The following IFI35 variants were observed in gnomAD, a reference collection of about 807,000 sequenced individuals.
IFI35 encodes the protein interferon induced protein 35.
IFI35 carries 30 observed loss-of-function variants against 28.6 expected under a neutral mutation model. The observed-to-expected ratio is 1.05, with a 90% confidence interval of 0.79 to 1.43. The LOEUF (loss-of-function observed/expected upper bound fraction) is 1.43, where lower values mean the gene tolerates loss of function less well. IFI35 is among the 40% of genes most tolerant of loss of function. The pLI, the probability that IFI35 is intolerant of heterozygous loss-of-function variation, is 0.00. For missense variants in IFI35, 372 were observed against 356.9 expected, an observed-to-expected ratio of 1.04 and a Z score of -0.34; for synonymous variants, 146 against 154.8, an observed-to-expected ratio of 0.94 and a Z score of 0.42.
At chr17:43,011,854 C>T (rs1309370047) in intron 1 of IFI35, among the ~76,000 whole-genome samples, 2 of 152,188 alleles carry the variant, frequency 1.3e-5, no homozygotes, top group South Asian at 2.1e-4. Flanking sequence ...GGGTCGTACC[C>T]TTATCTTCCA....
intron 1 of IFI35, among the ~76,000 whole-genome samples, chr17:43,007,334 G>A (rs1481388763): frequency 6.6e-6 from 1 of 151,896 alleles, no homozygotes; most frequent in Non-Finnish European, 1.5e-5. Context: ...GTGAAAATCC[G>A]TCTCTACTAA....
At chr17:43,008,758 C>T (rs896821001) in intron 1 of IFI35, among the ~76,000 whole-genome samples, 3 of 151,722 alleles carry the variant, frequency 2.0e-5, no homozygotes, top group Non-Finnish European at 1.5e-5. Flanking sequence ...CTCCTGACCT[C>T]GTGATCCGCC....
At chr17:43,011,017 C>G (rs575990865) in intron 1 of IFI35, among the ~76,000 whole-genome samples, 1 of 152,302 alleles carries the variant, frequency 6.6e-6, no homozygotes, top group African/African-American at 2.4e-5. Flanking sequence ...AGATCACACC[C>G]AGCCTAAAAG....
Position 43,013,184 on chromosome 17 carries a change from T to G in IFI35, c.258T>G (p.Asp86Glu). 1 of 1,614,084 alleles carries G rather than the reference T, an allele frequency of 6.2e-7. No individual in the cohort carries two copies. The change falls in exon 3 of 7, where the codon GAT becomes GAG. Residue 86 changes from aspartate (D) to glutamate (E), a missense_variant. Physicochemically the swap from Asp to Glu is conservative, Grantham distance 45. Coordinates refer to ENST00000415816, the MANE Select transcript of IFI35 (RefSeq NM_001330230.2). ...LLAGSALITF[D>E]DPKVAEQVLQ... The stretch of plus-strand genomic sequence containing the variant: ...CGGGCTCTGCTCTGATCACCTTTGA[T>G]GACCCCAAAGGTAAGCTCATGGGGA...
chr17:43,010,797 A>C (rs1242386767), intron 1 of IFI35, among the ~76,000 whole-genome samples: 2 of 152,190 alleles, frequency 1.3e-5, no homozygotes, highest in African/African-American at 4.8e-5. Context: ...TTTGTGCCGG[A>C]GATCTTGCTG....
At chr17:43,008,000 C>A (rs1242529164) in intron 1 of IFI35, among the ~76,000 whole-genome samples, 1 of 150,734 alleles carries the variant, frequency 6.6e-6, no homozygotes, top group Non-Finnish European at 1.5e-5. Flanking sequence ...TTATTGCCAA[C>A]CTTTTCAGAA....
At chr17:43,010,515 T>C (rs2050449166) in intron 1 of IFI35, among the ~76,000 whole-genome samples, 1 of 152,240 alleles carries the variant, frequency 6.6e-6, no homozygotes, top group Admixed American at 6.5e-5. Context: ...CACCACTCTC[T>C]GTTATCCTAC....
chr17:43,013,200 C>T lies in IFI35; in HGVS notation c.268+6C>T. On this transcript the variant is annotated splice_donor_region_variant and intron_variant, in intron 3 of 6. Coordinates refer to ENST00000415816, the MANE Select transcript of IFI35 (RefSeq NM_001330230.2). ...CACCTTTGATGACCCCAAAGGTAAG[C>T]TCATGGGGAGCCTCAGGAGGGAGGT... 4 of 1,614,086 alleles carry T rather than the reference C, an allele frequency of 2.5e-6. No homozygotes were observed. The highest frequency in any genetic ancestry group is 3.4e-6 in the Non-Finnish European group (4 of 1,179,986).
In IFI35 at chr17:43,013,329, G is replaced by A; in HGVS notation, c.331G>A (p.Val111Met). Residue 111 changes from valine (V) to methionine (M), a missense_variant, in exon 4 of 7, where the codon GTG becomes ATG. Coordinates refer to ENST00000415816, the MANE Select transcript of IFI35 (RefSeq NM_001330230.2). ...TINMEECRLRVQVQPLELPMV... is the reference protein window; with the variant it reads ...TINMEECRLRMQVQPLELPMV... ...CAACATGGAGGAGTGCCGGCTGCGG[G>A]TGCAGGTCCAGCCCTTGGAGCTGCC... The A allele has an allele frequency of 6.2e-7, 1 of 1,614,176 alleles. No individual in the cohort carries two copies. Among genetic ancestry groups the A allele is most frequent in the Non-Finnish European group, 8.5e-7 (1 of 1,180,042 alleles).
chr17:43,014,328 C>A lies in IFI35; in HGVS notation c.*29C>A. On this transcript the variant is annotated 3_prime_UTR_variant, in exon 7 of 7. Transcript: ENST00000415816. ...CCTCCCCTTCTCATCCTCCCCACCC[C>A]CCCGCCAAGGTTCTCACACTGGCCT... The A allele has an allele frequency of 6.7e-7, 1 of 1,488,266 alleles. No homozygotes were observed. The highest frequency in any genetic ancestry group is 9.0e-7 in the Non-Finnish European group (1 of 1,111,258). 92.2% of individuals were successfully genotyped at this position (1,488,266 alleles called of 1,614,324 possible). A position where few individuals can be genotyped will look rare whatever the true frequency, so the allele number is the denominator to read the frequency against.
chr17:43,009,860 G>A (rs544822435), intron 1 of IFI35, among the ~76,000 whole-genome samples: 1 of 150,918 alleles, frequency 6.6e-6, no homozygotes, highest in African/African-American at 2.4e-5. Flanking sequence ...TTGAATCCGG[G>A]AGGTGGAGTT....
In IFI35 at chr17:43,014,326, C is replaced by A. The variant is rs780721062; in HGVS notation, c.*27C>A. 1.2e-5 allele frequency: 18 copies of A among 1,491,128 alleles called. No homozygotes were observed. In the South Asian group the frequency reaches 1.2e-4, roughly 10 times the overall value. 92.4% of individuals were successfully genotyped at this position (1,491,128 alleles called of 1,614,324 possible). ...GGCCTCCCCTTCTCATCCTCCCCAC[C>A]CCCCCGCCAAGGTTCTCACACTGGC... On this transcript the variant is annotated 3_prime_UTR_variant, in exon 7 of 7. Coordinates refer to ENST00000415816, the MANE Select transcript of IFI35 (RefSeq NM_001330230.2).
Position 43,013,456 on chromosome 17 carries a change from C to T in IFI35, c.376-20C>T. 1 of 1,613,492 alleles carries T rather than the reference C, an allele frequency of 6.2e-7. No homozygotes were observed. The highest frequency in any genetic ancestry group is 8.5e-7 in the Non-Finnish European group (1 of 1,179,572). On this transcript the variant is annotated intron_variant, in intron 4 of 6. Transcript: ENST00000415816. ...GAAGTGGAGCTGTGTCTGGGACCAC[C>T]CCTTGCTGTCTCCCCCTAGATGTCC... is the stretch of plus-strand genomic sequence containing the variant.
intron 5 of IFI35, 53 bp from the exon 6 acceptor site, chr17:43,013,723 A>T: frequency 6.2e-7 from 1 of 1,608,654 alleles, no homozygotes; most frequent in Non-Finnish European, 8.5e-7. Context: ...ATTACGGTGC[A>T]GGGAGAGGAG....
rs186859143 is a variant in IFI35 at position 43,008,551 on chromosome 17, T to A, written c.21+1583T>A. Among the ~76,000 whole-genome samples the A allele has an allele frequency of 1.4e-4, 17 of 121,304 alleles. No individual in the cohort carries two copies. The East Asian group carries it at 4.1e-3, about 29-fold the overall frequency. The allele number at this position is 121,304 out of a possible 152,430, so 79.6% of individuals were successfully genotyped here. On this transcript the variant is annotated intron_variant, in intron 1 of 6. Coordinates refer to ENST00000415816, the MANE Select transcript of IFI35 (RefSeq NM_001330230.2). ...TTTTTTTTTTTTTTTTGAGATGGAG[T>A]CTCGCTCTGTCACCCAGGCTGGAGT...
chr17:43,012,189 C>T lies in IFI35; in HGVS notation c.32C>T (p.Ala11Val). ...CTTCTGCCCCAACAGGCCCTCCACG[C>T]CCTTCAGGAGGAGCAGGCCAGACTC... MSAPLDAALHALQEEQARLKM... is the reference protein window; with the variant it reads MSAPLDAALHVLQEEQARLKM... Residue 11 changes from alanine to valine, a missense_variant, in exon 2 of 7, where the codon GCC becomes GTC. By Grantham distance (64) the Ala-to-Val change is moderately conservative. Coordinates refer to ENST00000415816, the MANE Select transcript of IFI35 (RefSeq NM_001330230.2). 1 of 1,568,440 alleles carries T rather than the reference C, an allele frequency of 6.4e-7. No homozygotes were observed. The highest frequency in any genetic ancestry group is 8.6e-7 in the Non-Finnish European group (1 of 1,156,424).
Position 43,012,250 on chromosome 17 carries a change from G to C in IFI35, c.93G>C (p.Lys31Asn), listed in dbSNP as rs748648651. The change falls in exon 2 of 7, where the codon AAG becomes AAC. Residue 31 changes from lysine to asparagine, a missense_variant. Coordinates refer to ENST00000415816, the MANE Select transcript of IFI35 (RefSeq NM_001330230.2). ...TGTGGGACCTGCAGCAGCTGAGAAA[G>C]GAGCTCGGGGACTCCCCCAAAGACA... is the stretch of plus-strand genomic sequence containing the variant. ...MRLWDLQQLR[K>N]ELGDSPKDKV... 6.3e-7 allele frequency: 1 copy of C among 1,575,710 alleles called. No individual in the cohort carries two copies. The highest frequency in any genetic ancestry group is 8.6e-7 in the Non-Finnish European group (1 of 1,160,256).
At chr17:43,011,699 G>T (rs1027919705) in intron 1 of IFI35, among the ~76,000 whole-genome samples, 1 of 152,170 alleles carries the variant, frequency 6.6e-6, no homozygotes, top group Non-Finnish European at 1.5e-5. Flanking sequence ...ATGACTGTAT[G>T]ACATTTTGCA....
At position 43,006,968 on chromosome 17, in the gene IFI35, C is replaced by T. The variant is rs200992217; in HGVS notation, c.21C>T (p.Ala7=). 24 of 1,613,900 alleles carry T rather than the reference C, an allele frequency of 1.5e-5. No homozygotes were observed. Among genetic ancestry groups the T allele is most frequent in the Middle Eastern group, 1.6e-4 (1 of 6,062 alleles). Residue 7 remains alanine (A), a splice_region_variant and synonymous_variant, in exon 1 of 7, where the codon GCC becomes GCT. Coordinates refer to ENST00000415816, the MANE Select transcript of IFI35 (RefSeq NM_001330230.2). ...GACCCATGTCAGCCCCACTGGATGCCGTAAGTGAGGAGGAGGGAGTTGGGA... is the reference window on the plus strand; with the variant it reads ...GACCCATGTCAGCCCCACTGGATGCTGTAAGTGAGGAGGAGGGAGTTGGGA... MSAPLD[A]ALHALQEEQA...
Sources: gnomAD v4.1 joint callset for allele counts (sites outside exome capture counted in the v4.1 genomes callset) on GRCh38, gnomAD v4.1.1 for gene constraint, MANE v1.5 for transcripts, NCBI Gene and HGNC (gene_info 2026-07-23, HGNC 2026-07-21) for gene names.